The following LDHAL6A variants were observed in gnomAD, a reference collection of about 807,000 sequenced individuals.
LDHAL6A encodes L-lactate dehydrogenase A-like 6A.
LDHAL6A carries 19 observed loss-of-function variants against 28.2 expected under a neutral mutation model. The ratio of observed to expected loss-of-function variants is 0.67; its 90% CI spans 0.47 to 0.99. The LOEUF (loss-of-function observed/expected upper bound fraction) is 0.99. Ranked by LOEUF, LDHAL6A falls within the 50% of genes least tolerant of loss-of-function variation. The pLI, the probability that LDHAL6A is intolerant of heterozygous loss-of-function variation, is 0.00. For synonymous variants in LDHAL6A, 144 were observed against 134.4 expected (o/e 1.07, Z -0.49); for missense variants, 372 against 398.6 (o/e 0.93, Z 0.57).
Position 18,456,600 on chromosome 11 carries a change from A to T in LDHAL6A, c.-81A>T. On this transcript the variant is annotated 5_prime_UTR_variant, in exon 1 of 7. Coordinates refer to ENST00000280706, the MANE Select transcript of LDHAL6A (RefSeq NM_144972.5). ...AGTTCTCTATACGCGCTCTCACCGC[A>T]GGTCTTGGAATTCCAAGCCATTTCC... 1 of 1,335,722 alleles carries T rather than the reference A, an allele frequency of 7.5e-7. No individual in the cohort carries two copies. Among genetic ancestry groups the T allele is most frequent in the Non-Finnish European group, 1.1e-6 (1 of 935,962 alleles). The allele number at this position is 1,335,722 out of a possible 1,614,324, so 82.7% of individuals were successfully genotyped here. A position where few individuals can be genotyped will look rare whatever the true frequency, so the allele number is the denominator to read the frequency against.
chr11:18,477,881 A>C (rs1039016884), intron 6 of LDHAL6A, 138 bp downstream of exon 6: 1 of 715,856 alleles, frequency 1.4e-6, no homozygotes, highest in Non-Finnish European at 2.2e-6. Flanking sequence ...GCTGCTGAAG[A>C]GTGGGGAGAT....
At chr11:18,468,902 C>T (rs1330139656) in intron 3 of LDHAL6A, 1 of 296,018 alleles carries the variant, frequency 3.4e-6, no homozygotes, top group Non-Finnish European at 6.1e-6. Context: ...TTGCTTCATA[C>T]AGGCTATTGG....
chr11:18,465,540 T>A, intron 2 of LDHAL6A, 97 bp from the exon 3 acceptor site: 1 of 971,380 alleles, frequency 1.0e-6, no homozygotes, highest in Non-Finnish European at 1.5e-6. Flanking sequence ...ACCCACTCTT[T>A]GGTAAACATA....
intron 2 of LDHAL6A, 22 bp downstream of exon 2, chr11:18,464,100 T>C: frequency 7.1e-7 from 1 of 1,407,230 alleles, no homozygotes; most frequent in Non-Finnish European, 1.0e-6. Flanking sequence ...AGTTAAATAC[T>C]ATAAATATTC....
chr11:18,475,378 T>C (rs1273241959), intron 3 of LDHAL6A, 88 bp from the exon 4 acceptor site: 6 of 1,047,788 alleles, frequency 5.7e-6, no homozygotes, highest in Non-Finnish European at 8.5e-6. Flanking sequence ...CCACAAAACA[T>C]CAGATTTACT....
Position 18,456,099 on chromosome 11 carries a change from C to T in LDHAL6A, c.-582C>T, listed in dbSNP as rs952332916. 3.2e-4 allele frequency: 50 copies of T among 153,946 alleles called. No individual in the cohort carries two copies. The highest frequency in any genetic ancestry group is 6.8e-4 in the Non-Finnish European group (47 of 69,248). The allele number at this position is 153,946 out of a possible 1,614,324, so 9.5% of individuals were successfully genotyped here. ...CTTGAGTGAGTGGCCATGAGCTGGGCTGCAAGAGTCCTGGGGAGCAGCCAG... is the reference window on the plus strand; with the variant it reads ...CTTGAGTGAGTGGCCATGAGCTGGGTTGCAAGAGTCCTGGGGAGCAGCCAG... On this transcript the variant is annotated 5_prime_UTR_variant, in exon 1 of 7. Coordinates refer to ENST00000280706, the MANE Select transcript of LDHAL6A (RefSeq NM_144972.5).
chr11:18,465,295 G>A (rs1352627160), intron 2 of LDHAL6A, among the ~76,000 whole-genome samples: 2 of 151,880 alleles, frequency 1.3e-5, no homozygotes, highest in South Asian at 2.1e-4. Context: ...GCTAATTTTT[G>A]TATTTTTAGT....
chr11:18,466,420 A>G (rs887305523), intron 3 of LDHAL6A, among the ~76,000 whole-genome samples: 1 of 152,112 alleles, frequency 6.6e-6, no homozygotes, highest in Non-Finnish European at 1.5e-5. Context: ...TGGGAGCCCA[A>G]GGTGGGTGAA....
rs771789907 is a variant in LDHAL6A at position 18,475,485 on chromosome 11, A to G, written c.438A>G (p.Val146=). The change falls in exon 4 of 7, where the codon GTA becomes GTG. Residue 146 remains valine (V), a synonymous_variant. Coordinates refer to ENST00000280706, the MANE Select transcript of LDHAL6A (RefSeq NM_144972.5). ...VTNPVDILTY[V]AWKLSGFPKN... ...TCTTAGTGGATATCTTAACTTATGT[A>G]GCCTGGAAGTTGAGTGGATTTCCCA... 6.2e-7 allele frequency: 1 copy of G among 1,613,600 alleles called. No homozygotes were observed. The highest frequency in any genetic ancestry group is 1.1e-5 in the South Asian group (1 of 91,042).
At chr11:18,467,793 G>A (rs1267592833) in intron 3 of LDHAL6A, among the ~76,000 whole-genome samples, 2 of 147,926 alleles carry the variant, frequency 1.4e-5, no homozygotes, top group East Asian at 2.0e-4. Context: ...AGGAGGCAGA[G>A]GCTGCAGTGA....
Position 18,456,229 on chromosome 11 carries a change from G to T in LDHAL6A, c.-452G>T, listed in dbSNP as rs944959203. 1 of 169,958 alleles carries T rather than the reference G, an allele frequency of 5.9e-6. No individual in the cohort carries two copies. Among genetic ancestry groups the T allele is most frequent in the African/African-American group, 2.4e-5 (1 of 41,578 alleles). The allele number at this position is 169,958 out of a possible 1,614,324, so 10.5% of individuals were successfully genotyped here. The stretch of plus-strand genomic sequence containing the variant: ...GGCGCGGGTGGCCCTTCACCCCTGT[G>T]AGTGTGGCCAGAAGTACCTCTCACC... On this transcript the variant is annotated 5_prime_UTR_variant, in exon 1 of 7. Transcript: ENST00000280706.
intron 4 of LDHAL6A, 79 bp downstream of exon 4, chr11:18,475,718 T>G: frequency 1.6e-6 from 2 of 1,255,436 alleles, no homozygotes; most frequent in Non-Finnish European, 2.2e-6. Context: ...AAGTAGCTCC[T>G]GGGAGGGGAG....
At chr11:18,476,586 TATG>T (rs1849390083) in intron 5 of LDHAL6A, 85 bp downstream of exon 5, 2 of 1,507,874 alleles carry the variant, frequency 1.3e-6, no homozygotes, top group African/African-American at 1.4e-5. Context: ...CCCTTAAATA[TATG>T]TTGTTGTATT....
intron 2 of LDHAL6A, among the ~76,000 whole-genome samples, chr11:18,465,110 G>C (rs1038705542): frequency 5.9e-5 from 9 of 151,666 alleles, no homozygotes; most frequent in Admixed American, 5.9e-4. Context: ...GGGACTATAG[G>C]AGTGCACTAC....
At chr11:18,466,464 G>C (rs2133873702) in intron 3 of LDHAL6A, among the ~76,000 whole-genome samples, 1 of 152,006 alleles carries the variant, frequency 6.6e-6, no homozygotes, top group Middle Eastern at 3.4e-3. Context: ...AATGGCCTGG[G>C]CAACATGACA....
intron 3 of LDHAL6A, among the ~76,000 whole-genome samples, chr11:18,471,797 A>G (rs567606191): frequency 6.6e-6 from 1 of 151,328 alleles, no homozygotes; most frequent in South Asian, 2.1e-4. Context: ...TTCCAAAAGA[A>G]CAAAAATCTA....
At chr11:18,473,389 G>GA (rs1849294714) in intron 3 of LDHAL6A, among the ~76,000 whole-genome samples, 4 of 144,372 alleles carry the variant, frequency 2.8e-5, no homozygotes, top group African/African-American at 1.0e-4. Context: ...AGGTAGGTAG[G>GA]TAGACAGACA....
chr11:18,467,993 A>ATG (rs1849147709), intron 3 of LDHAL6A, among the ~76,000 whole-genome samples: 2 of 30,418 alleles, frequency 6.6e-5, no homozygotes, highest in Non-Finnish European at 9.5e-5. Context: ...ATATATATGC[A>ATG]TATATATACG....
intron 1 of LDHAL6A, among the ~76,000 whole-genome samples, chr11:18,459,299 T>G (rs950714591): frequency 6.6e-6 from 1 of 152,222 alleles, no homozygotes; most frequent in African/African-American, 2.4e-5. Flanking sequence ...CCAGCCTTCA[T>G]CTTTCTTTCG....
Sources: allele counts gnomAD v4.1 joint callset (sites outside exome capture counted in the v4.1 genomes callset), GRCh38; gene constraint gnomAD v4.1.1; transcripts MANE v1.5; gene names NCBI Gene and HGNC (gene_info 2026-07-23, HGNC 2026-07-21).